The following DENND1B variants were observed in gnomAD, a reference collection of about 807,000 sequenced individuals.
DENND1B encodes the protein DENN domain containing 1B.
In DENND1B, 59 loss-of-function variants were observed where a neutral mutation model predicts 90.1. The observed-to-expected ratio is 0.65, with a 90% CI of 0.53 to 0.81. The LOEUF is 0.81. DENND1B is among the 40% of genes least tolerant of loss of function. DENND1B has a pLI of 0.00. For missense variants in DENND1B, 862 were observed against 912.6 expected (o/e 0.94, Z 0.71); for synonymous variants, 337 against 324.6 (o/e 1.04, Z -0.41).
chr1:197,688,493 T>TA (rs2126012788), intron 3 of DENND1B, among the ~76,000 whole-genome samples: 1 of 152,000 alleles, frequency 6.6e-6, no homozygotes, highest in Admixed American at 6.6e-5. Flanking sequence ...TGGAACAAAA[T>TA]AGAGAGCTCA....
intron 2 of DENND1B, among the ~76,000 whole-genome samples, chr1:197,744,618 TA>T (rs1347982786): frequency 6.6e-6 from 1 of 152,152 alleles, no homozygotes; most frequent in Non-Finnish European, 1.5e-5. Flanking sequence ...ACAGGCAGAG[TA>T]GATTTAGCAT....
chr1:197,696,325 ATTT>A (rs1292719482), intron 3 of DENND1B, among the ~76,000 whole-genome samples: 1 of 151,608 alleles, frequency 6.6e-6, no homozygotes, highest in East Asian at 1.9e-4. Flanking sequence ...AATTAATGGA[ATTT>A]TTATTATTGT....
intron 2 of DENND1B, among the ~76,000 whole-genome samples, chr1:197,742,403 A>ATAAC (rs1423482606): frequency 6.6e-6 from 1 of 152,188 alleles, no homozygotes; most frequent in African/African-American, 2.4e-5. Flanking sequence ...AGAAGAAAAG[A>ATAAC]TAACATCTCT....
Position 197,601,387 on chromosome 1 carries a change from G to A in DENND1B, c.921+5686C>T, listed in dbSNP as rs114138649. On this transcript the variant is annotated intron_variant, in intron 13 of 22. Transcript: ENST00000620048. ...ACCAGGTCATTATGATATCGGCAAG[G>A]TTTGGGAACTGCTATTGTGACAGTG... is the stretch of plus-strand genomic sequence containing the variant. Among the ~76,000 whole-genome samples the A allele has an allele frequency of 9.5e-3, 1,440 of 151,742 alleles. 10 individuals are homozygous for A. Among genetic ancestry groups the A allele is most frequent in the Non-Finnish European group, 0.014 (948 of 67,778 alleles).
rs1455047980 is a variant in DENND1B at position 197,725,823 on chromosome 1, G to C, written c.83-10749C>G. Among the ~76,000 whole-genome samples the C allele has an allele frequency of 3.3e-5, 5 of 151,982 alleles. No individual in the cohort carries two copies. In the East Asian group the frequency reaches 5.8e-4, roughly 18 times the overall value. ...CACAGCAGCATTTGAATAGAGAGGAGACATGCTCTGACATATTTTAACAGG... is the reference window on the plus strand; with the variant it reads ...CACAGCAGCATTTGAATAGAGAGGACACATGCTCTGACATATTTTAACAGG... On this transcript the variant is annotated intron_variant, in intron 2 of 22. Coordinates refer to ENST00000620048, the MANE Select transcript of DENND1B (RefSeq NM_001195215.2).
chr1:197,706,585 CACAA>C (rs1659557935), intron 3 of DENND1B, among the ~76,000 whole-genome samples: 1 of 151,978 alleles, frequency 6.6e-6, no homozygotes, highest in African/African-American at 2.4e-5. Flanking sequence ...ACAGCAAAAA[CACAA>C]ACAATACAAT....
chr1:197,571,661 T>A (rs1673165375), intron 15 of DENND1B, among the ~76,000 whole-genome samples: 1 of 152,172 alleles, frequency 6.6e-6, no homozygotes, highest in South Asian at 2.1e-4. Flanking sequence ...TCACTAGAAA[T>A]ATCAGCTTCA....
In DENND1B at chr1:197,773,455, T is replaced by C. The variant is rs968834726; in HGVS notation, c.18-523A>G. ...CCAAGTTCTAGATCACCATAAAACA[T>C]TGATAATGCTCCATGAATGTGATAC... On this transcript the variant is annotated intron_variant, in intron 1 of 22. Transcript: ENST00000620048. 1.3e-4 allele frequency among the ~76,000 whole-genome samples: 20 copies of C among 152,230 alleles called. 1 individual carries two copies. Among genetic ancestry groups the C allele is most frequent in the Admixed American group, 1.0e-3 (16 of 15,284 alleles).
intron 2 of DENND1B, among the ~76,000 whole-genome samples, chr1:197,727,452 G>A (rs1157671928): frequency 2.6e-5 from 4 of 151,314 alleles, no homozygotes; most frequent in South Asian, 2.1e-4. Flanking sequence ...GGAAAATGGC[G>A]TGAACCCGGG....
intron 12 of DENND1B, among the ~76,000 whole-genome samples, chr1:197,609,367 T>TGAG (rs1027098228): frequency 1.3e-5 from 2 of 150,514 alleles, no homozygotes; most frequent in African/African-American, 4.9e-5. Context: ...CTTATAAACC[T>TGAG]GGGTCAACAT....
At chr1:197,606,429 A>G (rs1005629660) in intron 13 of DENND1B, 1 of 151,300 alleles carries the variant, frequency 6.6e-6, no homozygotes, top group Non-Finnish European at 1.5e-5. Flanking sequence ...ATTCTAAGTA[A>G]GCAGTCTTTG....
chr1:197,522,558 A>C (rs978536063), intron 20 of DENND1B, among the ~76,000 whole-genome samples: 3 of 152,116 alleles, frequency 2.0e-5, no homozygotes, highest in African/African-American at 7.2e-5. Context: ...TTTTAAGTAC[A>C]TTCCTCTCTT....
chr1:197,700,091 T>C (rs1317147205), intron 3 of DENND1B, among the ~76,000 whole-genome samples: 1 of 152,052 alleles, frequency 6.6e-6, no homozygotes, highest in Non-Finnish European at 1.5e-5. Flanking sequence ...AAATTCTTCA[T>C]AGAATTAGAA....
At chr1:197,522,692 G>T (rs1211912924) in intron 20 of DENND1B, among the ~76,000 whole-genome samples, 1 of 152,080 alleles carries the variant, frequency 6.6e-6, no homozygotes, top group Non-Finnish European at 1.5e-5. Flanking sequence ...ATGAGAAAAA[G>T]CTGGATAATC....
At chr1:197,707,596 ATT>A (rs1435683803) in intron 3 of DENND1B, among the ~76,000 whole-genome samples, 2 of 147,362 alleles carry the variant, frequency 1.4e-5, no homozygotes, top group Non-Finnish European at 3.0e-5. Context: ...ATATACATAT[ATT>A]ATATACATAT....
intron 14 of DENND1B, among the ~76,000 whole-genome samples, chr1:197,587,343 T>C (rs536247582): frequency 2.3e-4 from 35 of 152,142 alleles, no homozygotes; most frequent in Non-Finnish European, 4.1e-4. Flanking sequence ...CTTCATGAGA[T>C]AATTCTGACA....
intron 20 of DENND1B, among the ~76,000 whole-genome samples, chr1:197,513,258 A>G (rs1668162879): frequency 6.6e-6 from 1 of 151,190 alleles, no homozygotes; most frequent in African/African-American, 2.4e-5. Flanking sequence ...GGGATACTTG[A>G]CTTATACTCA....
intron 3 of DENND1B, among the ~76,000 whole-genome samples, chr1:197,674,425 C>A (rs1464524366): frequency 6.6e-6 from 1 of 152,150 alleles, no homozygotes; most frequent in Non-Finnish European, 1.5e-5. Flanking sequence ...CCCTTCACAT[C>A]CCCGCTGGGA....
chr1:197,774,719 ATAACCTCT>A lies in DENND1B; in HGVS notation c.17+412_17+419del, dbSNP rs1179899156. 3.8e-5 allele frequency: 6 copies of A among 156,596 alleles called. No homozygotes were observed. In the Admixed American group the frequency reaches 3.9e-4, roughly 10 times the overall value. The allele number at this position is 156,596 out of a possible 1,614,324, so 9.7% of individuals were successfully genotyped here. A position where few individuals can be genotyped will look rare whatever the true frequency, so the allele number is the denominator to read the frequency against. On this transcript the variant is annotated intron_variant, in intron 1 of 22. Coordinates refer to ENST00000620048, the MANE Select transcript of DENND1B (RefSeq NM_001195215.2). The stretch of plus-strand genomic sequence containing the variant: ...TAATGCTCAGAGAGCACTCGGAATA[ATAACCTCT>A]TAACCTCAACGCTGACTCCCTCCCG...
Sources: allele counts gnomAD v4.1 joint callset (sites outside exome capture counted in the v4.1 genomes callset), GRCh38; gene constraint gnomAD v4.1.1; transcripts MANE v1.5; gene names NCBI Gene and HGNC (gene_info 2026-07-23, HGNC 2026-07-21).